Variants in RSRC1 observed in about 807,000 individuals in gnomAD.
The protein encoded by RSRC1 is serine/Arginine-related protein 53.
RSRC1 carries 39 observed loss-of-function variants against 49.1 expected under a neutral mutation model. The ratio of observed to expected loss-of-function variants is 0.79; its 90% CI spans 0.61 to 1.04. The LOEUF (loss-of-function observed/expected upper bound fraction) is 1.04. Among genes scored for constraint, RSRC1 ranks in the 50% least tolerant of loss-of-function variants. The pLI is 0.00. For synonymous variants in RSRC1, 143 were observed against 130.8 expected (o/e 1.09, Z -0.63); for missense variants, 388 against 402.4 (o/e 0.96, Z 0.31).
intron 6 of RSRC1, among the ~76,000 whole-genome samples, chr3:158,422,406 C>T (rs1191379262): frequency 1.3e-5 from 2 of 151,962 alleles, no homozygotes; most frequent in Non-Finnish European, 1.5e-5. Flanking sequence ...GACGTGAACT[C>T]ATCATTTTTT....
chr3:158,493,903 A>T (rs1287237526), intron 7 of RSRC1, among the ~76,000 whole-genome samples: 1 of 152,244 alleles, frequency 6.6e-6, no homozygotes, highest in Non-Finnish European at 1.5e-5. Context: ...GTATGGAGGC[A>T]TCCTTTAGGC....
chr3:158,129,447 C>T (rs1181586441), intron 3 of RSRC1, among the ~76,000 whole-genome samples: 2 of 151,880 alleles, frequency 1.3e-5, no homozygotes, highest in African/African-American at 4.8e-5. Context: ...CCCACCACCA[C>T]GTCCAGCTAA....
At chr3:158,159,979 C>T (rs1369827532) in intron 3 of RSRC1, among the ~76,000 whole-genome samples, 1 of 152,084 alleles carries the variant, frequency 6.6e-6, no homozygotes, top group African/African-American at 2.4e-5. Flanking sequence ...GCTTTTATCT[C>T]TCTATTGCAA....
chr3:158,237,455 C>T (rs1399629614), intron 4 of RSRC1, among the ~76,000 whole-genome samples: 1 of 152,120 alleles, frequency 6.6e-6, no homozygotes, highest in Non-Finnish European at 1.5e-5. Flanking sequence ...ATGCATGTTC[C>T]AGCAAAAAGT....
chr3:158,167,471 G>A (rs113584937), intron 3 of RSRC1, among the ~76,000 whole-genome samples: 1,791 of 152,322 alleles, frequency 0.012, 27 homozygotes, highest in African/African-American at 0.041. Context: ...GATTACAGGC[G>A]TGAACCACTG....
At chr3:158,403,678 AAC>A (rs1734004811) in intron 6 of RSRC1, among the ~76,000 whole-genome samples, 1 of 151,810 alleles carries the variant, frequency 6.6e-6, no homozygotes. Context: ...AAAATTAAGA[AAC>A]AATTTTCTTT....
intron 7 of RSRC1, among the ~76,000 whole-genome samples, chr3:158,492,656 C>T (rs1000152202): frequency 1.3e-5 from 2 of 152,172 alleles, no homozygotes; most frequent in Admixed American, 6.5e-5. Flanking sequence ...CTTCTGTTCT[C>T]ACTCTTCAAG....
At position 158,202,562 on chromosome 3, in the gene RSRC1, T is replaced by TTTTATATA. The variant is rs369404609; in HGVS notation, c.321-509_321-508insTTATATAT. Among the ~76,000 whole-genome samples, 808 of 91,998 alleles carry TTTTATATA rather than the reference T, an allele frequency of 8.8e-3. 112 individuals carry two copies. The highest frequency in any genetic ancestry group is 0.038 in the African/African-American group (719 of 18,928). 60.4% of individuals were successfully genotyped at this position (91,998 alleles called of 152,430 possible). On this transcript the variant is annotated intron_variant, in intron 3 of 9. Transcript: ENST00000611884. The stretch of plus-strand genomic sequence containing the variant: ...TCTGTAGGGTTGTCAGTCTGGTAGA[T>TTTTATATA]TATATATATATATATATATGTTTTA...
chr3:158,327,818 T>C (rs1284889441), intron 5 of RSRC1, among the ~76,000 whole-genome samples: 3 of 152,174 alleles, frequency 2.0e-5, no homozygotes, highest in Admixed American at 6.5e-5. Flanking sequence ...ATCTGTCTAA[T>C]GTTGACAGTG....
chr3:158,238,135 A>G (rs539471738), intron 4 of RSRC1, among the ~76,000 whole-genome samples: 1 of 152,318 alleles, frequency 6.6e-6, no homozygotes, highest in East Asian at 1.9e-4. Context: ...AAAGAGAGTA[A>G]AATACCCAGG....
At chr3:158,276,410 G>A (rs764066044) in intron 4 of RSRC1, 7 of 758,360 alleles carry the variant, frequency 9.2e-6, no homozygotes, top group Non-Finnish European at 1.7e-5. Context: ...GGATGTGCTT[G>A]TATGCACCCA....
chr3:158,247,376 C>G (rs1466588180), intron 4 of RSRC1, among the ~76,000 whole-genome samples: 1 of 152,164 alleles, frequency 6.6e-6, no homozygotes, highest in East Asian at 1.9e-4. Flanking sequence ...TTATTTCAGG[C>G]ATCTTAGCCT....
chr3:158,524,417 T>G lies in RSRC1; in HGVS notation c.653-12675T>G, dbSNP rs1214790877. Reference sequence around the variant, plus strand: ...GTAAGCTGCTGATTTCTTTGGGGCATTGTCCACATAAACTTATCATAAGGC... The same window carrying G: ...GTAAGCTGCTGATTTCTTTGGGGCAGTGTCCACATAAACTTATCATAAGGC... On this transcript the variant is annotated intron_variant, in intron 7 of 9. Transcript: ENST00000611884. Among the ~76,000 whole-genome samples, 6 of 152,156 alleles carry G rather than the reference T, an allele frequency of 3.9e-5. No individual in the cohort carries two copies. In the South Asian group the frequency reaches 1.2e-3, roughly 32 times the overall value.
chr3:158,353,452 G>C (rs950587182), intron 5 of RSRC1, among the ~76,000 whole-genome samples: 4 of 152,176 alleles, frequency 2.6e-5, no homozygotes, highest in African/African-American at 9.7e-5. Context: ...AAAGCCAGTA[G>C]GCACTATGTA....
intron 5 of RSRC1, chr3:158,302,589 A>G (rs864332): frequency 0.44 from 56,267 of 128,450 alleles, 13,101 homozygotes; most frequent in East Asian, 0.61. Flanking sequence ...ATGCTGCTCT[A>G]AAGTTGTAGA....
intron 3 of RSRC1, among the ~76,000 whole-genome samples, chr3:158,176,290 G>A (rs1268091464): frequency 3.3e-5 from 5 of 152,078 alleles, no homozygotes; most frequent in Admixed American, 1.3e-4. Flanking sequence ...TCACAGAATT[G>A]GAAAAAACTA....
Position 158,134,673 on chromosome 3 carries a change from T to A in RSRC1, c.320+10682T>A, listed in dbSNP as rs115979972. 5.7e-3 allele frequency among the ~76,000 whole-genome samples: 873 copies of A among 152,304 alleles called. 9 individuals carry two copies. The highest frequency in any genetic ancestry group is 0.02 in the African/African-American group (825 of 41,572). On this transcript the variant is annotated intron_variant, in intron 3 of 9. Transcript: ENST00000611884. ...GAGTTCTTGGTGGGAATCTTTTGAT[T>A]AGTCTGACTTTTGTCCTTGGCAATG... is the stretch of plus-strand genomic sequence containing the variant.
chr3:158,383,161 C>A (rs1732792689), intron 6 of RSRC1, among the ~76,000 whole-genome samples: 1 of 152,128 alleles, frequency 6.6e-6, no homozygotes, highest in Non-Finnish European at 1.5e-5. Context: ...CTTTCTATAA[C>A]CCCTTAAGGA....
intron 1 of RSRC1, among the ~76,000 whole-genome samples, chr3:158,115,478 A>G (rs1301517376): frequency 2.0e-5 from 3 of 152,110 alleles, no homozygotes; most frequent in Non-Finnish European, 4.4e-5. Context: ...ACTCTGAAAC[A>G]TTGTTGAGGA....
Sources: allele counts gnomAD v4.1 joint callset (sites outside exome capture counted in the v4.1 genomes callset), GRCh38; gene constraint gnomAD v4.1.1; transcripts MANE v1.5; gene names NCBI Gene and HGNC (gene_info 2026-07-23, HGNC 2026-07-21).